PAM: variants seen among roughly 807,000 people sequenced by gnomAD.
PAM encodes the protein peptidylglycine alpha-amidating monooxygenase, also known as peptidyl-glycine alpha-amidating monooxygenase.
In PAM, 72 loss-of-function variants were observed where a neutral mutation model predicts 122.1. The ratio of observed to expected loss-of-function variants is 0.59; its 90% CI spans 0.49 to 0.72. PAM has a LOEUF of 0.72. Ranked by LOEUF, PAM falls within the 30% of genes least tolerant of loss-of-function variation. The pLI, the probability that PAM is intolerant of heterozygous loss-of-function variation, is 0.00. For missense variants in PAM, 1,106 were observed against 1,183.7 expected (o/e 0.93, Z 0.96); for synonymous variants, 389 against 404.4 (o/e 0.96, Z 0.46).
chr5:103,001,714 A>AT (rs1003494175), intron 16 of PAM, among the ~76,000 whole-genome samples: 7 of 151,564 alleles, frequency 4.6e-5, no homozygotes, highest in African/African-American at 9.7e-5. Flanking sequence ...TAATTTAAGA[A>AT]TTTTTTTTTG....
At chr5:102,831,872 T>TTC (rs35019489) in intron 1 of PAM, among the ~76,000 whole-genome samples, 11 of 148,776 alleles carry the variant, frequency 7.4e-5, no homozygotes, top group South Asian at 2.1e-4. Context: ...GGAACTAGTC[T>TTC]TCTCTCTCTC....
chr5:103,028,291 A>C, intron 25 of PAM, 53 bp downstream of exon 25: 1 of 1,247,274 alleles, frequency 8.0e-7, no homozygotes, highest in Non-Finnish European at 1.2e-6. Flanking sequence ...GTCAACAAGC[A>C]CATGTCTTTT....
intron 13 of PAM, among the ~76,000 whole-genome samples, 168 bp downstream of exon 13, chr5:102,960,227 C>T (rs1227663117): frequency 1.3e-5 from 2 of 151,938 alleles, no homozygotes; most frequent in African/African-American, 2.4e-5. Flanking sequence ...CCTATCTCCC[C>T]TCCCTGACAT....
intron 8 of PAM, among the ~76,000 whole-genome samples, chr5:102,947,175 C>T (rs566135144): frequency 1.8e-3 from 271 of 152,256 alleles, no homozygotes; most frequent in South Asian, 4.1e-3. Context: ...ACATAGTTGT[C>T]GGCAGGCTTC....
intron 14 of PAM, 80 bp from the exon 15 acceptor site, chr5:102,974,035 TA>T: frequency 1.2e-6 from 1 of 856,468 alleles, no homozygotes; most frequent in South Asian, 1.8e-5. Context: ...AATGAGTAGA[TA>T]TTTTTTAAAG....
At chr5:102,836,102 T>TAGAGA (rs1368543317) in intron 1 of PAM, among the ~76,000 whole-genome samples, 1 of 152,196 alleles carries the variant, frequency 6.6e-6, no homozygotes, top group Non-Finnish European at 1.5e-5. Flanking sequence ...TGTAGAGATG[T>TAGAGA]TTGTGAAAAA....
chr5:102,971,075 G>C (rs66730942), intron 14 of PAM, among the ~76,000 whole-genome samples: 38,908 of 152,106 alleles, frequency 0.26, 5,614 homozygotes, highest in East Asian at 0.43. Context: ...CCAGTGCTGG[G>C]ATTACAGGCA....
chr5:102,861,053 C>T (rs1402781890), intron 1 of PAM, among the ~76,000 whole-genome samples: 4 of 152,188 alleles, frequency 2.6e-5, no homozygotes, highest in Admixed American at 1.3e-4. Flanking sequence ...TGTGAAGACA[C>T]TCAAGTAGCC....
chr5:102,863,721 T>C (rs1266845143), intron 1 of PAM, among the ~76,000 whole-genome samples: 1 of 150,658 alleles, frequency 6.6e-6, no homozygotes, highest in Non-Finnish European at 1.5e-5. Flanking sequence ...AGAATACTAA[T>C]AAAATTTGAT....
At chr5:102,761,112 G>A (rs1443487959) in intron 1 of PAM, among the ~76,000 whole-genome samples, 1 of 152,236 alleles carries the variant, frequency 6.6e-6, no homozygotes, top group African/African-American at 2.4e-5. Context: ...CTGCAACCCA[G>A]CTGTGCTGGT....
intron 8 of PAM, among the ~76,000 whole-genome samples, chr5:102,947,956 G>C (rs1561992164): frequency 6.6e-6 from 1 of 152,162 alleles, no homozygotes; most frequent in Non-Finnish European, 1.5e-5. Context: ...TGAGTCCAAA[G>C]GCAATTCACA....
chr5:102,825,525 T>C (rs557277597), intron 1 of PAM, among the ~76,000 whole-genome samples: 27 of 152,266 alleles, frequency 1.8e-4, no homozygotes, highest in African/African-American at 5.8e-4. Context: ...ACATTTAATA[T>C]AGAGTCATGA....
intron 3 of PAM, among the ~76,000 whole-genome samples, chr5:102,875,346 C>T (rs1184968296): frequency 1.3e-5 from 2 of 152,022 alleles, no homozygotes; most frequent in Non-Finnish European, 2.9e-5. Flanking sequence ...GCACACACCA[C>T]CATACCCGGC....
intron 4 of PAM, among the ~76,000 whole-genome samples, chr5:102,911,210 ATAT>A (rs1286695089): frequency 3.3e-5 from 5 of 152,022 alleles, no homozygotes; most frequent in South Asian, 2.1e-4. Context: ...AAATATTTAG[ATAT>A]TATACTTTTT....
At chr5:102,852,212 T>G (rs1248984156) in intron 1 of PAM, among the ~76,000 whole-genome samples, 1 of 152,226 alleles carries the variant, frequency 6.6e-6, no homozygotes, top group Non-Finnish European at 1.5e-5. Context: ...AATGGTCAGC[T>G]TCTTTTAAGT....
At chr5:102,914,089 G>A in intron 5 of PAM, 68 bp downstream of exon 5, 3 of 807,572 alleles carry the variant, frequency 3.7e-6, no homozygotes, top group Non-Finnish European at 6.5e-6. Flanking sequence ...AAGTGTATCT[G>A]TGCAAGTATT....
Position 103,029,498 on chromosome 5 carries a change from T to C in PAM, c.*433T>C, listed in dbSNP as rs758556237. 12 of 154,228 alleles carry C rather than the reference T, an allele frequency of 7.8e-5. No homozygotes were observed. The highest frequency in any genetic ancestry group is 1.7e-4 in the Non-Finnish European group (12 of 69,168). The allele number at this position is 154,228 out of a possible 1,614,324, so 9.6% of individuals were successfully genotyped here. A position where few individuals can be genotyped will look rare whatever the true frequency, so the allele number is the denominator to read the frequency against. Reference sequence around the variant, plus strand: ...CCTGTGGCAGTAAAGAGAAACTTTGTGCTACATGACGACAAAGCTGCTAAA... The same window carrying C: ...CCTGTGGCAGTAAAGAGAAACTTTGCGCTACATGACGACAAAGCTGCTAAA... On this transcript the variant is annotated 3_prime_UTR_variant, in exon 26 of 26. Transcript: ENST00000438793.
At chr5:102,967,290 T>C (rs1222575783) in intron 14 of PAM, among the ~76,000 whole-genome samples, 1 of 152,208 alleles carries the variant, frequency 6.6e-6, no homozygotes, top group Admixed American at 6.5e-5. Context: ...GCTACTATAG[T>C]TGTGTTTTCC....
chr5:102,952,981 A>C (rs982811982), intron 12 of PAM, among the ~76,000 whole-genome samples: 2 of 152,192 alleles, frequency 1.3e-5, no homozygotes, highest in African/African-American at 2.4e-5. Context: ...GGCTGGGGCC[A>C]GTAGGTGCCT....
Sources: gnomAD v4.1 joint callset for allele counts (sites outside exome capture counted in the v4.1 genomes callset) on GRCh38, gnomAD v4.1.1 for gene constraint, MANE v1.5 for transcripts, NCBI Gene and HGNC (gene_info 2026-07-23, HGNC 2026-07-21) for gene names.